CYP27A1: variants seen among roughly 807,000 people sequenced by gnomAD.
The protein encoded by CYP27A1 is sterol 26-hydroxylase, mitochondrial.
Under a neutral mutation model 58.2 loss-of-function variants are expected in CYP27A1, and 46 were observed. The observed-to-expected ratio is 0.79, with a 90% confidence interval of 0.62 to 1.01. The LOEUF is 1.01. Ranked by LOEUF, CYP27A1 falls within the 50% of genes least tolerant of loss-of-function variation. The pLI is 0.00. For synonymous variants in CYP27A1, 274 were observed against 285.1 expected, an observed-to-expected ratio of 0.96 and a Z score of 0.39; for missense variants, 704 against 687.0, an observed-to-expected ratio of 1.02 and a Z score of -0.28.
chr2:218,792,727 T>C (rs1413699674), intron 1 of CYP27A1, among the ~76,000 whole-genome samples: 1 of 152,162 alleles, frequency 6.6e-6, no homozygotes, highest in East Asian at 1.9e-4. Context: ...AATATAAATA[T>C]ACATTAGAAT....
At position 218,815,287 on chromosome 2, in the gene CYP27A1, T is replaced by C; in HGVS notation, c.*257T>C. The C allele has an allele frequency of 4.1e-6, 2 of 483,030 alleles. No individual in the cohort carries two copies. Among genetic ancestry groups the C allele is most frequent in the Non-Finnish European group, 7.6e-6 (2 of 263,572 alleles). 29.9% of individuals were successfully genotyped at this position (483,030 alleles called of 1,614,324 possible). ...ATAAAATAAAGGGACTTTTATTTCT[T>C]ATTGGAGACCTTTGTCATTCTTTTT... On this transcript the variant is annotated 3_prime_UTR_variant, in exon 9 of 9. Transcript: ENST00000258415.
At chr2:218,797,973 C>T (rs1471401820) in intron 1 of CYP27A1, among the ~76,000 whole-genome samples, 1 of 152,130 alleles carries the variant, frequency 6.6e-6, no homozygotes, top group African/African-American at 2.4e-5. Flanking sequence ...ATCTTTTAAC[C>T]CTAGGCAAGA....
chr2:218,785,785 G>T (rs549393148), intron 1 of CYP27A1, among the ~76,000 whole-genome samples: 1 of 152,224 alleles, frequency 6.6e-6, no homozygotes, highest in African/African-American at 2.4e-5. Context: ...GTTAATAGAG[G>T]AGTGTTGTAC....
intron 1 of CYP27A1, among the ~76,000 whole-genome samples, chr2:218,792,420 T>C (rs1943502972): frequency 6.6e-6 from 1 of 152,206 alleles, no homozygotes; most frequent in Admixed American, 6.5e-5. Flanking sequence ...TCTGCTTGGG[T>C]TAGCAGTTTT....
rs377130826 is a variant in CYP27A1, at chr2:218,812,204, T to G, written c.447-18T>G. 6.2e-7 allele frequency: 1 copy of G among 1,608,570 alleles called. No homozygotes were observed. The highest frequency in any genetic ancestry group is 1.3e-5 in the African/African-American group (1 of 74,830). On this transcript the variant is annotated intron_variant, in intron 2 of 8. Coordinates refer to ENST00000258415, the MANE Select transcript of CYP27A1 (RefSeq NM_000784.4). ...CCATAGAGGCTTATCTTTGTGCTGTTCCTCTGCGTCCCTGCAGGGAAGGAC... is the reference window on the plus strand; with the variant it reads ...CCATAGAGGCTTATCTTTGTGCTGTGCCTCTGCGTCCCTGCAGGGAAGGAC...
intron 1 of CYP27A1, among the ~76,000 whole-genome samples, chr2:218,802,637 G>T (rs1166436038): frequency 6.6e-6 from 1 of 152,178 alleles, no homozygotes; most frequent in South Asian, 2.1e-4. Flanking sequence ...AGAGACAGCC[G>T]ATGTTTTCTT....
Position 218,782,182 on chromosome 2 carries a change from C to G in CYP27A1, c.-1C>G. 1 of 1,536,344 alleles carries G rather than the reference C, an allele frequency of 6.5e-7. No homozygotes were observed. Among genetic ancestry groups the G allele is most frequent in the Non-Finnish European group, 8.7e-7 (1 of 1,146,070 alleles). On this transcript the variant is annotated 5_prime_UTR_variant, in exon 1 of 9. Coordinates refer to ENST00000258415, the MANE Select transcript of CYP27A1 (RefSeq NM_000784.4). The surrounding 1 kb of genome is among the most constrained non-coding windows in gnomAD (Gnocchi z 4.1). ...AAGGTGCAGGCGCGCGAGCACAACC[C>G]ATGGCTGCGCTGGGCTGCGCGAGGC...
intron 1 of CYP27A1, among the ~76,000 whole-genome samples, chr2:218,786,307 G>C (rs745616669): frequency 6.6e-6 from 1 of 152,140 alleles, no homozygotes; most frequent in African/African-American, 2.4e-5. Flanking sequence ...TGGGATTAGG[G>C]TCCCTCCCAC....
intron 5 of CYP27A1, among the ~76,000 whole-genome samples, 172 bp from the exon 6 acceptor site, chr2:218,813,849 C>T (rs540315091): frequency 6.6e-6 from 1 of 152,284 alleles, no homozygotes; most frequent in Non-Finnish European, 1.5e-5. Flanking sequence ...CCTCATCCCA[C>T]TGTGGATTCA....
Position 218,813,878 on chromosome 2 carries a change from C to T in CYP27A1, c.1018-143C>T, listed in dbSNP as rs192105666. On this transcript the variant is annotated intron_variant, in intron 5 of 8. Coordinates refer to ENST00000258415, the MANE Select transcript of CYP27A1 (RefSeq NM_000784.4). ...GGATTCATGTTTAGCATGGAGACTGCCATGAACCTGCATGTTTTTTCCTGC... is the reference window on the plus strand; with the variant it reads ...GGATTCATGTTTAGCATGGAGACTGTCATGAACCTGCATGTTTTTTCCTGC... 9.9e-5 allele frequency: 87 copies of T among 879,756 alleles called. No homozygotes were observed. In the East Asian group the frequency reaches 1.9e-3, roughly 19 times the overall value. The allele number at this position is 879,756 out of a possible 1,614,324, so 54.5% of individuals were successfully genotyped here.
Position 218,783,303 on chromosome 2 carries a change from GT to G in CYP27A1, c.255+867del, listed in dbSNP as rs576604046. On this transcript the variant is annotated intron_variant, in intron 1 of 8. Transcript: ENST00000258415. ...AAAAAAAGAAAAAAGAAATCAGCCT[GT>G]AGTCTGTGTTCAGGTTAGTGGTGTT... Among the ~76,000 whole-genome samples, 47 of 151,394 alleles carry G rather than the reference GT, an allele frequency of 3.1e-4. No individual in the cohort carries two copies. The South Asian group carries it at 9.2e-3, about 30-fold the overall frequency.
intron 1 of CYP27A1, among the ~76,000 whole-genome samples, chr2:218,795,908 A>G (rs1943543429): frequency 6.6e-6 from 1 of 152,224 alleles, no homozygotes; most frequent in Admixed American, 6.5e-5. Context: ...ATTGGCTTTG[A>G]TGGAACTCTG....
intron 1 of CYP27A1, among the ~76,000 whole-genome samples, chr2:218,805,639 G>A (rs1444295900): frequency 2.6e-5 from 4 of 152,164 alleles, no homozygotes; most frequent in Non-Finnish European, 5.9e-5. Flanking sequence ...ATAAATGAAT[G>A]TTGAATGAAT....
In CYP27A1 at chr2:218,812,676, C is replaced by T; in HGVS notation, c.771C>T (p.Leu257=). Residue 257 remains leucine (L), a synonymous_variant, in exon 4 of 9, where the codon CTC becomes CTT. Transcript: ENST00000258415. ...MFQNSLYATF[L]PKWTRPVLPF... ...AGAACTCACTCTATGCCACCTTCCT[C>T]CCCAAGTGGACTCGCCCCGTGCTGC... The T allele has an allele frequency of 6.2e-7, 1 of 1,614,236 alleles. No homozygotes were observed.
In CYP27A1 at chr2:218,810,394, C is replaced by T. The variant is rs559093488; in HGVS notation, c.446+627C>T. Among the ~76,000 whole-genome samples the T allele has an allele frequency of 5.3e-5, 8 of 152,212 alleles. No homozygotes were observed. The East Asian group carries it at 1.5e-3, about 29-fold the overall frequency. On this transcript the variant is annotated intron_variant, in intron 2 of 8. Coordinates refer to ENST00000258415, the MANE Select transcript of CYP27A1 (RefSeq NM_000784.4). Reference sequence around the variant, plus strand: ...TGACATGACAGCTCAGATTTAGAATCGGAGCTAAACATTATGTAGAGCCCT... The same window carrying T: ...TGACATGACAGCTCAGATTTAGAATTGGAGCTAAACATTATGTAGAGCCCT...
chr2:218,807,763 C>G (rs1943666297), intron 1 of CYP27A1, among the ~76,000 whole-genome samples: 1 of 151,526 alleles, frequency 6.6e-6, no homozygotes, highest in Non-Finnish European at 1.5e-5. Context: ...CGCACACTGC[C>G]ATGCCCAGCG....
Position 218,814,902 on chromosome 2 carries a change from A to AC in CYP27A1, c.1477-3dup. 1.2e-6 allele frequency: 2 copies of AC among 1,613,870 alleles called. No homozygotes were observed. The highest frequency in any genetic ancestry group is 1.7e-6 in the Non-Finnish European group (2 of 1,179,972). ...ATCCACCCAACCACATGTGCTCTTT[A>AC]CCCCCCAGCTGATCCAGAAGTACAA... On this transcript the variant is annotated splice_polypyrimidine_tract_variant and intron_variant, in intron 8 of 8. Coordinates refer to ENST00000258415, the MANE Select transcript of CYP27A1 (RefSeq NM_000784.4).
Position 218,782,287 on chromosome 2 carries a change from C to T in CYP27A1, c.105C>T (p.Leu35=). The T allele has an allele frequency of 6.3e-7, 1 of 1,594,646 alleles. No individual in the cohort carries two copies. Residue 35 remains leucine (L), a synonymous_variant, in exon 1 of 9, where the codon CTC becomes CTT. Transcript: ENST00000258415. This position sits in a 1 kb window ranked among gnomAD's most constrained non-coding sequence, Gnocchi z 4.1. ...CCAAGGCCGCGATCCCTGCCGCCCT[C>T]CCCTCGGACAAGGCCACCGGAGCTC... ...ARAKAAIPAA[L]PSDKATGAPG...
chr2:218,807,183 A>T (rs889407032), intron 1 of CYP27A1, among the ~76,000 whole-genome samples: 1 of 151,464 alleles, frequency 6.6e-6, no homozygotes, highest in African/African-American at 2.4e-5. Context: ...TTGGTCTCGA[A>T]CTCTTGACCT....
Sources: allele counts gnomAD v4.1 joint callset (sites outside exome capture counted in the v4.1 genomes callset), GRCh38; gene constraint gnomAD v4.1.1; non-coding constraint Gnocchi (gnomAD v3.1); transcripts MANE v1.5; gene names NCBI Gene and HGNC (gene_info 2026-07-23, HGNC 2026-07-21).